Variants in HIPK2 observed in about 807,000 individuals in gnomAD.
HIPK2 encodes homeodomain interacting protein kinase 2.
A neutral mutation model predicts 113.7 loss-of-function variants in HIPK2; 27 were observed. The observed-to-expected ratio is 0.24, with a 90% confidence interval of 0.17 to 0.33. The LOEUF is 0.33. Ranked by LOEUF, HIPK2 falls within the 10% of genes least tolerant of loss-of-function variation. The probability of loss-of-function intolerance (pLI) is 1.00; values close to 1 mark genes in which losing one functional copy is unlikely to be tolerated. For synonymous variants in HIPK2, 631 were observed against 642.2 expected (o/e 0.98, Z 0.26); for missense variants, 1,257 against 1,588.0 (o/e 0.79, Z 3.54).
rs879439233 is a variant in HIPK2 at position 139,568,607 on chromosome 7, T to C, written c.*4320A>G. 6.6e-6 allele frequency: 1 copy of C among 152,154 alleles called. No individual in the cohort carries two copies. The highest frequency in any genetic ancestry group is 1.5e-5 in the Non-Finnish European group (1 of 68,032). 9.4% of individuals were successfully genotyped at this position (152,154 alleles called of 1,614,324 possible). The stretch of plus-strand genomic sequence containing the variant: ...TTCCTCTGAACAATGTCTCTTCAAA[T>C]GGGAAGGAGGGAGCCCACAAAAGAC... On this transcript the variant is annotated 3_prime_UTR_variant, in exon 15 of 15. Transcript: ENST00000406875.
intron 1 of HIPK2, among the ~76,000 whole-genome samples, chr7:139,745,699 C>T (rs950698931): frequency 3.3e-5 from 5 of 152,164 alleles, no homozygotes; most frequent in African/African-American, 1.2e-4. Context: ...AGCACCCTGG[C>T]TCACCTTCCA....
At chr7:139,708,116 C>T (rs1383251624) in intron 2 of HIPK2, among the ~76,000 whole-genome samples, 2 of 152,042 alleles carry the variant, frequency 1.3e-5, no homozygotes, top group South Asian at 2.1e-4. Flanking sequence ...ATGCCGGCCG[C>T]ACCCTCTCAC....
intron 1 of HIPK2, among the ~76,000 whole-genome samples, chr7:139,751,922 AG>A (rs1184964540): frequency 6.6e-6 from 1 of 152,194 alleles, no homozygotes; most frequent in Non-Finnish European, 1.5e-5. Context: ...AGATCACAGA[AG>A]GAAGGAAGGA....
chr7:139,713,733 C>A (rs759563181), intron 2 of HIPK2, among the ~76,000 whole-genome samples: 1 of 152,208 alleles, frequency 6.6e-6, no homozygotes, highest in Admixed American at 6.5e-5. Flanking sequence ...AGGCCAAGAA[C>A]TAGAAAGAGC....
At chr7:139,763,125 G>A (rs1796495285) in intron 1 of HIPK2, among the ~76,000 whole-genome samples, 1 of 152,158 alleles carries the variant, frequency 6.6e-6, no homozygotes, top group Non-Finnish European at 1.5e-5. Flanking sequence ...ACTGAAAGAG[G>A]CCAGGATGGG....
At chr7:139,696,121 C>T (rs977890934) in intron 2 of HIPK2, among the ~76,000 whole-genome samples, 35 of 152,182 alleles carry the variant, frequency 2.3e-4, no homozygotes, top group East Asian at 1.2e-3. Context: ...CCATTGATAA[C>T]GTGATGTTTG....
At chr7:139,686,936 T>A (rs1433601676) in intron 2 of HIPK2, among the ~76,000 whole-genome samples, 4 of 152,206 alleles carry the variant, frequency 2.6e-5, no homozygotes, top group African/African-American at 9.7e-5. Flanking sequence ...TTCACTGCTG[T>A]CATTTTGACA....
intron 1 of HIPK2, among the ~76,000 whole-genome samples, chr7:139,744,469 G>A (rs1796157803): frequency 6.6e-6 from 1 of 152,176 alleles, no homozygotes; most frequent in Non-Finnish European, 1.5e-5. Flanking sequence ...TTGGGATGAT[G>A]GAATGTTCTG....
intron 2 of HIPK2, among the ~76,000 whole-genome samples, chr7:139,664,157 C>G (rs772180991): frequency 1.5e-3 from 232 of 152,210 alleles, no homozygotes; most frequent in East Asian, 7.7e-4. Context: ...AACCAACCAA[C>G]CAACCAAATA....
At chr7:139,621,655 G>A (rs1352850880) in intron 6 of HIPK2, among the ~76,000 whole-genome samples, 1 of 152,122 alleles carries the variant, frequency 6.6e-6, no homozygotes, top group African/African-American at 2.4e-5. Flanking sequence ...TAGTCTGGGT[G>A]GGGTGGCTCA....
chr7:139,635,803 C>A (rs1008570603), intron 2 of HIPK2, among the ~76,000 whole-genome samples: 1 of 152,204 alleles, frequency 6.6e-6, no homozygotes, highest in African/African-American at 2.4e-5. Flanking sequence ...CGAGCCGACA[C>A]AGCACACCAC....
At chr7:139,733,527 CA>C (rs1795852725) in intron 1 of HIPK2, among the ~76,000 whole-genome samples, 1 of 152,038 alleles carries the variant, frequency 6.6e-6, no homozygotes, top group South Asian at 2.1e-4. Flanking sequence ...AGCACTTAAT[CA>C]GGGGAAAAGA....
chr7:139,593,351 T>A (rs1439713218), intron 12 of HIPK2, among the ~76,000 whole-genome samples: 1 of 152,216 alleles, frequency 6.6e-6, no homozygotes, highest in African/African-American at 2.4e-5. Flanking sequence ...AGTGCATGTT[T>A]GCTATGATTC....
intron 9 of HIPK2, among the ~76,000 whole-genome samples, chr7:139,606,369 A>T (rs1799616328): frequency 6.6e-6 from 1 of 152,220 alleles, no homozygotes; most frequent in Non-Finnish European, 1.5e-5. Context: ...AATAATATTA[A>T]TAACTTGCCC....
intron 2 of HIPK2, among the ~76,000 whole-genome samples, chr7:139,636,280 C>T (rs1455067690): frequency 1.3e-5 from 2 of 151,728 alleles, no homozygotes; most frequent in African/African-American, 2.4e-5. Flanking sequence ...TTTGTAGGCT[C>T]GCCCTCTTCT....
At chr7:139,580,514 T>C (rs1798633122) in intron 13 of HIPK2, among the ~76,000 whole-genome samples, 1 of 152,246 alleles carries the variant, frequency 6.6e-6, no homozygotes, top group South Asian at 2.1e-4. Context: ...ATGTATACTT[T>C]GGAACAGTGA....
At chr7:139,712,670 C>G (rs952382113) in intron 2 of HIPK2, among the ~76,000 whole-genome samples, 2 of 152,210 alleles carry the variant, frequency 1.3e-5, no homozygotes, top group Non-Finnish European at 2.9e-5. Flanking sequence ...GGACATGGGC[C>G]TTAACGATGG....
chr7:139,760,271 T>C (rs1011831290), intron 1 of HIPK2, among the ~76,000 whole-genome samples: 2 of 152,302 alleles, frequency 1.3e-5, no homozygotes, highest in Non-Finnish European at 2.9e-5. Context: ...CCCAAAGTGC[T>C]GGGATTACAG....
rs1425069865 is a variant in HIPK2 at position 139,620,472 on chromosome 7, G to A, written c.1711C>T (p.His571Tyr). ...VNQSKTPFIT[H>Y]VAPSTSTNLT... ...TTGGTGGACGTGCTGGGGGCCACGT[G>A]CGTGATGAAAGGGGTTTTGCTCTGG... The change falls in exon 7 of 15, where the codon CAC (histidine) becomes TAC (tyrosine). Residue 571 changes from histidine (H) to tyrosine (Y), a missense_variant. This residue lies in a region of HIPK2 where 862 missense variants were observed against 1,004.3 expected (regional missense o/e 0.86). Transcript: ENST00000406875. The A allele has an allele frequency of 6.2e-7, 1 of 1,614,074 alleles. No individual in the cohort carries two copies. The highest frequency in any genetic ancestry group is 8.5e-7 in the Non-Finnish European group (1 of 1,179,978).
Sources: gnomAD v4.1 joint callset for allele counts (sites outside exome capture counted in the v4.1 genomes callset) on GRCh38, gnomAD v4.1.1 for gene constraint, gnomAD v4.1.1 regional missense constraint, MANE v1.5 for transcripts, NCBI Gene and HGNC (gene_info 2026-07-23, HGNC 2026-07-21) for gene names.